VIPR2: variants seen among roughly 807,000 people sequenced by gnomAD.
VIPR2 encodes vasoactive intestinal polypeptide receptor 2.
A neutral mutation model predicts 58.0 loss-of-function variants in VIPR2; 48 were observed. The observed-to-expected ratio is 0.83, with a 90% CI of 0.66 to 1.05. The LOEUF (loss-of-function observed/expected upper bound fraction) is 1.05, where lower values mean the gene tolerates loss of function less well. Among genes scored for constraint, VIPR2 ranks in the 50% least tolerant of loss-of-function variants. The pLI is 0.00. For missense variants in VIPR2, 534 were observed against 558.0 expected (o/e 0.96, Z 0.43); for synonymous variants, 243 against 235.2 (o/e 1.03, Z -0.30).
At chr7:159,124,089 T>C (rs1267919061) in intron 2 of VIPR2, among the ~76,000 whole-genome samples, 1 of 152,252 alleles carries the variant, frequency 6.6e-6, no homozygotes, top group Non-Finnish European at 1.5e-5. Flanking sequence ...TCTCCCATTA[T>C]GTAGGTTGTC....
intron 5 of VIPR2, among the ~76,000 whole-genome samples, chr7:159,056,902 T>C (rs60241655): frequency 6.6e-6 from 1 of 152,322 alleles, no homozygotes; most frequent in East Asian, 1.9e-4. Context: ...CTGGACACTA[T>C]GTGGTCACCA....
intron 4 of VIPR2, among the ~76,000 whole-genome samples, chr7:159,102,334 T>A (rs1431234286): frequency 1.3e-5 from 2 of 152,230 alleles, no homozygotes; most frequent in Non-Finnish European, 2.9e-5. Flanking sequence ...TTTCACCTGC[T>A]GCCATGTAGG....
intron 4 of VIPR2, among the ~76,000 whole-genome samples, chr7:159,065,601 A>C (rs1041121950): frequency 1.3e-5 from 2 of 152,226 alleles, no homozygotes; most frequent in African/African-American, 4.8e-5. Context: ...CCTTGCATGT[A>C]CAATAACATT....
Position 159,097,246 on chromosome 7 carries a change from G to A in VIPR2, c.357+6511C>T, listed in dbSNP as rs990025906. 41 of 1,386,032 alleles carry A rather than the reference G, an allele frequency of 3.0e-5. No homozygotes were observed. Among genetic ancestry groups the A allele is most frequent in the Non-Finnish European group, 3.7e-5 (40 of 1,069,548 alleles). 85.9% of individuals were successfully genotyped at this position (1,386,032 alleles called of 1,614,324 possible). ...AGTCACTGCGGTGGCCTGAGTGCTG[G>A]AGGAGGGCAGAGGCTTATTTTTAGG... is the stretch of plus-strand genomic sequence containing the variant. On this transcript the variant is annotated intron_variant, in intron 4 of 12. Transcript: ENST00000262178. The surrounding 1 kb of genome is among the most constrained non-coding windows in gnomAD (Gnocchi z 5.3).
intron 2 of VIPR2, among the ~76,000 whole-genome samples, chr7:159,129,357 C>T (rs529264433): frequency 3.6e-5 from 5 of 139,042 alleles, no homozygotes; most frequent in East Asian, 2.1e-4. Flanking sequence ...GGCCAGGTGA[C>T]CAGCTTCACA....
At chr7:159,077,986 C>G (rs1359099959) in intron 4 of VIPR2, among the ~76,000 whole-genome samples, 1 of 152,220 alleles carries the variant, frequency 6.6e-6, no homozygotes, top group Non-Finnish European at 1.5e-5. Flanking sequence ...TGCCCTTTCC[C>G]TCACTCCCTG....
intron 2 of VIPR2, among the ~76,000 whole-genome samples, chr7:159,131,527 G>T (rs1349644202): frequency 6.6e-6 from 1 of 152,168 alleles, no homozygotes; most frequent in Non-Finnish European, 1.5e-5. Context: ...CTCAGCATGT[G>T]GCCATTTGCC....
At chr7:159,115,167 T>C (rs1796190746) in intron 2 of VIPR2, among the ~76,000 whole-genome samples, 1 of 152,246 alleles carries the variant, frequency 6.6e-6, no homozygotes, top group Non-Finnish European at 1.5e-5. Flanking sequence ...TGCTCCGCAG[T>C]GGAACTTGGC....
chr7:159,127,789 G>A lies in VIPR2; in HGVS notation c.151+14657C>T, dbSNP rs1244102971. Reference sequence around the variant, plus strand: ...ATGGACAGCCAGTGCTTCCTTCCACGTCAAATATTCTCAAACCCTTTTCCC... The same window carrying A: ...ATGGACAGCCAGTGCTTCCTTCCACATCAAATATTCTCAAACCCTTTTCCC... On this transcript the variant is annotated intron_variant, in intron 2 of 12. Coordinates refer to ENST00000262178, the MANE Select transcript of VIPR2 (RefSeq NM_003382.5). The surrounding 1 kb of genome is among the most constrained non-coding windows in gnomAD (Gnocchi z 4.6). 6.6e-6 allele frequency among the ~76,000 whole-genome samples: 1 copy of A among 152,136 alleles called. No individual in the cohort carries two copies. Among genetic ancestry groups the A allele is most frequent in the Non-Finnish European group, 1.5e-5 (1 of 68,012 alleles).
intron 2 of VIPR2, among the ~76,000 whole-genome samples, chr7:159,130,593 C>T (rs1796867582): frequency 6.6e-6 from 1 of 152,000 alleles, no homozygotes. Flanking sequence ...CAATCAGCAG[C>T]AAGCACTACT....
At chr7:159,050,007 A>G (rs1854891798) in intron 5 of VIPR2, among the ~76,000 whole-genome samples, 1 of 152,232 alleles carries the variant, frequency 6.6e-6, no homozygotes, top group African/African-American at 2.4e-5. Flanking sequence ...TAGGTATGCC[A>G]GAAACAGGAC....
At chr7:159,116,269 A>C (rs978330932) in intron 2 of VIPR2, among the ~76,000 whole-genome samples, 1 of 152,184 alleles carries the variant, frequency 6.6e-6, no homozygotes, top group South Asian at 2.1e-4. Flanking sequence ...CTAATTTTGA[A>C]GCCAAGTTTC....
In VIPR2 at chr7:159,097,112, G is replaced by T; in HGVS notation, c.357+6645C>A. The T allele has an allele frequency of 2.0e-6, 3 of 1,493,460 alleles. No homozygotes were observed. The highest frequency in any genetic ancestry group is 2.6e-5 in the South Asian group (2 of 76,426). 92.5% of individuals were successfully genotyped at this position (1,493,460 alleles called of 1,614,324 possible). A position where few individuals can be genotyped will look rare whatever the true frequency, so the allele number is the denominator to read the frequency against. On this transcript the variant is annotated intron_variant, in intron 4 of 12. Coordinates refer to ENST00000262178, the MANE Select transcript of VIPR2 (RefSeq NM_003382.5). This position sits in a 1 kb window ranked among gnomAD's most constrained non-coding sequence, Gnocchi z 5.3. ...TTGCAGGGTTGCAGGAGGGTTGGCG[G>T]GATGATCAGATGGTGCCTCCCACAA...
At position 159,128,037 on chromosome 7, in the gene VIPR2, C is replaced by A. The variant is rs188580016; in HGVS notation, c.151+14409G>T. ...CGCCAGGACAAACCACCGCTCCCCC[C>A]ACCTTGCAGCAGGGCCTGACCGTGG... is the stretch of plus-strand genomic sequence containing the variant. On this transcript the variant is annotated intron_variant, in intron 2 of 12. Coordinates refer to ENST00000262178, the MANE Select transcript of VIPR2 (RefSeq NM_003382.5). This position sits in a 1 kb window ranked among gnomAD's most constrained non-coding sequence, Gnocchi z 4.1. 6.6e-5 allele frequency among the ~76,000 whole-genome samples: 10 copies of A among 152,192 alleles called. No individual in the cohort carries two copies. The highest frequency in any genetic ancestry group is 2.1e-4 in the South Asian group (1 of 4,834).
In VIPR2 at chr7:159,095,132, C is replaced by T. The variant is rs1000593354; in HGVS notation, c.357+8625G>A. Among the ~76,000 whole-genome samples, 1 of 152,176 alleles carries T rather than the reference C, an allele frequency of 6.6e-6. No homozygotes were observed. Among genetic ancestry groups the T allele is most frequent in the Non-Finnish European group, 1.5e-5 (1 of 68,030 alleles). Reference sequence around the variant, plus strand: ...CCAGATTAAAGCCGGGGAGCCACCACAACCACACACAGCGCACTATCCTGG... The same window carrying T: ...CCAGATTAAAGCCGGGGAGCCACCATAACCACACACAGCGCACTATCCTGG... On this transcript the variant is annotated intron_variant, in intron 4 of 12. Transcript: ENST00000262178. This position sits in a 1 kb window ranked among gnomAD's most constrained non-coding sequence, Gnocchi z 5.2.
intron 4 of VIPR2, among the ~76,000 whole-genome samples, chr7:159,067,473 G>A (rs907313749): frequency 2.6e-5 from 4 of 152,192 alleles, no homozygotes; most frequent in Non-Finnish European, 4.4e-5. Context: ...AGGAGCTGGC[G>A]CCGGCCTGAC....
intron 8 of VIPR2, 51 bp from the exon 9 acceptor site, chr7:159,034,701 CA>C (rs771934064): frequency 3.2e-6 from 5 of 1,542,186 alleles, no homozygotes; most frequent in Middle Eastern, 1.7e-4. Flanking sequence ...TTTCGCAAGA[CA>C]GGTACAGAAG....
intron 1 of VIPR2, among the ~76,000 whole-genome samples, chr7:159,142,870 C>T (rs1037853730): frequency 1.3e-5 from 2 of 152,240 alleles, no homozygotes; most frequent in Non-Finnish European, 2.9e-5. Context: ...CCGGCTCCTC[C>T]GTTTCACACC....
At chr7:159,081,676 C>G (rs1358619228) in intron 4 of VIPR2, among the ~76,000 whole-genome samples, 1 of 152,124 alleles carries the variant, frequency 6.6e-6, no homozygotes, top group Non-Finnish European at 1.5e-5. Flanking sequence ...TCAGAGTGAA[C>G]AGGCAACCTA....
Sources: gnomAD v4.1 joint callset for allele counts (sites outside exome capture counted in the v4.1 genomes callset) on GRCh38, gnomAD v4.1.1 for gene constraint, Gnocchi (gnomAD v3.1) non-coding constraint, MANE v1.5 for transcripts, NCBI Gene and HGNC (gene_info 2026-07-23, HGNC 2026-07-21) for gene names.